SNX31: variants seen among roughly 807,000 people sequenced by gnomAD.
SNX31 encodes sorting nexin 31, also known as sorting nexin-31.
In SNX31, 58 loss-of-function variants were observed where a neutral mutation model predicts 65.4. The ratio of observed to expected loss-of-function variants is 0.89; its 90% CI spans 0.72 to 1.10. The LOEUF (loss-of-function observed/expected upper bound fraction) is 1.10. Among genes scored for constraint, SNX31 ranks in the 50% least tolerant of loss-of-function variants. The pLI is 0.00. For missense variants in SNX31, 523 were observed against 529.7 expected, an observed-to-expected ratio of 0.99 and a Z score of 0.12; for synonymous variants, 181 against 190.1, an observed-to-expected ratio of 0.95 and a Z score of 0.39.
In SNX31 at chr8:100,630,309, A is replaced by G. The variant is rs907472445; in HGVS notation, c.321+18T>C. On this transcript the variant is annotated intron_variant, in intron 4 of 13. Coordinates refer to ENST00000311812, the MANE Select transcript of SNX31 (RefSeq NM_152628.4). The surrounding 1 kb of genome is among the most constrained non-coding windows in gnomAD (Gnocchi z 5.3). ...CCTGCAGAGGAATGATGGCCCCATTAAAGAAGAGCAAGCTTACCAGCTGCG... is the reference window on the plus strand; with the variant it reads ...CCTGCAGAGGAATGATGGCCCCATTGAAGAAGAGCAAGCTTACCAGCTGCG... 2.5e-6 allele frequency: 4 copies of G among 1,612,364 alleles called. No individual in the cohort carries two copies. The highest frequency in any genetic ancestry group is 1.3e-5 in the African/African-American group (1 of 74,866).
chr8:100,596,535 G>T, intron 10 of SNX31, 104 bp downstream of exon 10: 1 of 911,662 alleles, frequency 1.1e-6, no homozygotes, highest in Non-Finnish European at 1.8e-6. Flanking sequence ...CTCCACTCAA[G>T]GTACAGATTC....
intron 9 of SNX31, among the ~76,000 whole-genome samples, 190 bp from the exon 10 acceptor site, chr8:100,597,032 G>A (rs1295894932): frequency 1.3e-5 from 2 of 152,284 alleles, no homozygotes; most frequent in Admixed American, 1.3e-4. Flanking sequence ...CAGAAGCCCG[G>A]GGGAAATTCA....
At position 100,649,659 on chromosome 8, in the gene SNX31, G is replaced by A. The variant is rs1358435099; in HGVS notation, c.-145C>T. The A allele has an allele frequency of 1.4e-6, 1 of 728,450 alleles. No homozygotes were observed. Among genetic ancestry groups the A allele is most frequent in the East Asian group, 3.1e-5 (1 of 32,624 alleles). The allele number at this position is 728,450 out of a possible 1,614,324, so 45.1% of individuals were successfully genotyped here. A position where few individuals can be genotyped will look rare whatever the true frequency, so the allele number is the denominator to read the frequency against. The stretch of plus-strand genomic sequence containing the variant: ...CCGGCGCCCGCTCTCGCCGGCCGGG[G>A]ACATCTACAGGTGGGGCCGGGGCCG... On this transcript the variant is annotated 5_prime_UTR_variant, in exon 1 of 14. Coordinates refer to ENST00000311812, the MANE Select transcript of SNX31 (RefSeq NM_152628.4).
intron 2 of SNX31, among the ~76,000 whole-genome samples, chr8:100,636,233 A>G (rs550826300): frequency 1.3e-5 from 2 of 152,364 alleles, no homozygotes; most frequent in South Asian, 4.1e-4. Flanking sequence ...ACAGACCGAC[A>G]GCTCCAGTCT....
intron 8 of SNX31, among the ~76,000 whole-genome samples, chr8:100,603,918 A>C (rs891271699): frequency 6.6e-6 from 1 of 152,106 alleles, no homozygotes; most frequent in South Asian, 2.1e-4. Context: ...TTGTATTTTT[A>C]GTAGAGACGG....
At chr8:100,599,073 G>T (rs1396067569) in intron 9 of SNX31, among the ~76,000 whole-genome samples, 1 of 152,096 alleles carries the variant, frequency 6.6e-6, no homozygotes, top group African/African-American at 2.4e-5. Flanking sequence ...AATAATGTTG[G>T]TTACATATCA....
rs1490851902 is a variant in SNX31 at position 100,577,102 on chromosome 8, AG to A, written c.1171-28del. On this transcript the variant is annotated intron_variant, in intron 12 of 13. Coordinates refer to ENST00000311812, the MANE Select transcript of SNX31 (RefSeq NM_152628.4). ...TAGATAGATTAGTGAAATGTCAGTC[AG>A]CTCAGCCCAGAGAAGCAAGCACACA... The A allele has an allele frequency of 1.9e-6, 3 of 1,598,698 alleles. No individual in the cohort carries two copies. In the East Asian group the frequency reaches 6.7e-5, roughly 36 times the overall value.
intron 2 of SNX31, among the ~76,000 whole-genome samples, chr8:100,636,517 T>C (rs1428120340): frequency 6.6e-6 from 1 of 152,238 alleles, no homozygotes; most frequent in Non-Finnish European, 1.5e-5. Context: ...AGGTGTAAAA[T>C]ACATTCCAAA....
Position 100,649,433 on chromosome 8 carries a change from C to T in SNX31, c.66+16G>A. On this transcript the variant is annotated intron_variant, in intron 1 of 13. Coordinates refer to ENST00000311812, the MANE Select transcript of SNX31 (RefSeq NM_152628.4). ...GGCCCCCTCCCTGCCCACCCTGACC[C>T]CAGCCCTGGGCGCACCACGTAGCGG... 1 of 1,589,274 alleles carries T rather than the reference C, an allele frequency of 6.3e-7. No homozygotes were observed. Among genetic ancestry groups the T allele is most frequent in the Non-Finnish European group, 8.6e-7 (1 of 1,166,890 alleles).
intron 4 of SNX31, chr8:100,618,262 G>T: frequency 6.8e-7 from 1 of 1,462,664 alleles, no homozygotes; most frequent in Non-Finnish European, 9.2e-7. Flanking sequence ...GTAAACAACT[G>T]AGTATCTATA....
intron 2 of SNX31, 129 bp from the exon 3 acceptor site, chr8:100,636,140 CA>C: frequency 1.6e-6 from 1 of 615,966 alleles, no homozygotes; most frequent in Non-Finnish European, 2.9e-6. Context: ...CCTGGTAGCC[CA>C]AAGGGGGAAA....
intron 8 of SNX31, among the ~76,000 whole-genome samples, chr8:100,605,709 G>A (rs865880414): frequency 6.6e-6 from 1 of 152,022 alleles, no homozygotes; most frequent in Non-Finnish European, 1.5e-5. Context: ...ATGAAGCCAC[G>A]TTTTTTTAGC....
intron 10 of SNX31, among the ~76,000 whole-genome samples, chr8:100,589,952 A>C (rs1407484626): frequency 6.6e-6 from 1 of 152,250 alleles, no homozygotes. Flanking sequence ...TATGCTCCTC[A>C]TGTTATTCCA....
intron 11 of SNX31, among the ~76,000 whole-genome samples, chr8:100,587,225 A>G (rs1814126273): frequency 6.6e-6 from 1 of 152,170 alleles, no homozygotes; most frequent in African/African-American, 2.4e-5. Flanking sequence ...TTGAAACATA[A>G]TAGGAAGTCT....
intron 2 of SNX31, among the ~76,000 whole-genome samples, chr8:100,645,001 C>A (rs1377909868): frequency 1.3e-5 from 2 of 152,322 alleles, no homozygotes; most frequent in East Asian, 1.9e-4. Context: ...TCTCCACATA[C>A]CCTGGCTGAG....
chr8:100,630,253 T>C lies in SNX31; in HGVS notation c.321+74A>G. ...GCTGTGACCAGTGCACACATGTGTG[T>C]GTACCTGCACACTTGGTTCATGAAG... On this transcript the variant is annotated intron_variant, in intron 4 of 13. Coordinates refer to ENST00000311812, the MANE Select transcript of SNX31 (RefSeq NM_152628.4). The surrounding 1 kb of genome is among the most constrained non-coding windows in gnomAD (Gnocchi z 5.3). 1 of 1,392,674 alleles carries C rather than the reference T, an allele frequency of 7.2e-7. No homozygotes were observed. Among genetic ancestry groups the C allele is most frequent in the Non-Finnish European group, 1.0e-6 (1 of 982,630 alleles). The allele number at this position is 1,392,674 out of a possible 1,614,324, so 86.3% of individuals were successfully genotyped here.
chr8:100,597,667 T>C (rs1815241060), intron 9 of SNX31, among the ~76,000 whole-genome samples: 1 of 152,224 alleles, frequency 6.6e-6, no homozygotes, highest in Non-Finnish European at 1.5e-5. Context: ...GAAATGGCAA[T>C]GAGGGCACGA....
chr8:100,573,842 A>G lies in SNX31; in HGVS notation c.*23T>C, dbSNP rs372142006. 6.3e-5 allele frequency: 95 copies of G among 1,503,396 alleles called. No individual in the cohort carries two copies. Among genetic ancestry groups the G allele is most frequent in the Non-Finnish European group, 8.4e-5 (92 of 1,099,772 alleles). 93.1% of individuals were successfully genotyped at this position (1,503,396 alleles called of 1,614,324 possible). ...CTGTCTTGAGATAGCCTCCAAGGATATTTTAAAATATGAGAGCTTTCTTCA... is the reference window on the plus strand; with the variant it reads ...CTGTCTTGAGATAGCCTCCAAGGATGTTTTAAAATATGAGAGCTTTCTTCA... On this transcript the variant is annotated 3_prime_UTR_variant, in exon 14 of 14. Transcript: ENST00000311812.
Position 100,588,955 on chromosome 8 carries a change from G to C in SNX31, c.1003C>G (p.Pro335Ala). 3 of 1,613,674 alleles carry C rather than the reference G, an allele frequency of 1.9e-6. No homozygotes were observed. The highest frequency in any genetic ancestry group is 2.5e-6 in the Non-Finnish European group (3 of 1,179,680). The change falls in exon 11 of 14, where the codon CCC becomes GCC. Residue 335 changes from proline (P) to alanine (A), a missense_variant. Transcript: ENST00000311812. The surrounding 1 kb of genome is among the most constrained non-coding windows in gnomAD (Gnocchi z 4.8). ...FLGTLLDTDG[P>A]QRTLNQNLEL... ...AAGTTCTGGTTGAGAGTTCTCTGGG[G>C]CCCATCCGTATCCAGCAGAGTTCCC...
Sources: allele counts gnomAD v4.1 joint callset (sites outside exome capture counted in the v4.1 genomes callset), GRCh38; gene constraint gnomAD v4.1.1; non-coding constraint Gnocchi (gnomAD v3.1); transcripts MANE v1.5; gene names NCBI Gene and HGNC (gene_info 2026-07-23, HGNC 2026-07-21).